Variants in FAT3 observed in about 807,000 individuals in gnomAD.
FAT3 encodes the protein FAT atypical cadherin 3, also known as protocadherin Fat 3.
FAT3 carries 95 observed loss-of-function variants against 310.2 expected under a neutral mutation model. That is an observed-to-expected ratio of 0.31 (90% CI 0.26 to 0.36). FAT3 has a LOEUF of 0.36. Ranked by LOEUF, FAT3 falls within the 10% of genes least tolerant of loss-of-function variation. The pLI, the probability that FAT3 is intolerant of heterozygous loss-of-function variation, is 1.00. For synonymous variants in FAT3, 2,314 were observed against 2,192.9 expected (o/e 1.06, Z -1.54); for missense variants, 5,408 against 5,715.6 (o/e 0.95, Z 1.74).
chr11:92,471,761 C>T (rs979378538), intron 2 of FAT3, among the ~76,000 whole-genome samples: 12 of 151,818 alleles, frequency 7.9e-5, no homozygotes, highest in Non-Finnish European at 1.5e-4. Flanking sequence ...ACTTAAAAGT[C>T]CATCTCTGAA....
At chr11:92,263,650 T>TAG (rs149529605) in intron 1 of FAT3, among the ~76,000 whole-genome samples, 5,539 of 148,944 alleles carry the variant, frequency 0.037, 190 homozygotes, top group African/African-American at 0.088. Context: ...TATATATATA[T>TAG]ATATAGAGAG....
At position 92,844,543 on chromosome 11, in the gene FAT3, A is replaced by C. The variant is rs1260663798; in HGVS notation, c.11176A>C (p.Arg3726=). 5 of 1,613,902 alleles carry C rather than the reference A, an allele frequency of 3.1e-6. No individual in the cohort carries two copies. The highest frequency in any genetic ancestry group is 4.2e-6 in the Non-Finnish European group (5 of 1,179,898). ...AYLIQKLSNA[R]RHLENIMRIS... ...CCTGATCCAGAAGCTGTCCAATGCT[A>C]GAAGACACCTGGAGAATATCATGCG... Residue 3726 remains arginine (R), a synonymous_variant, in exon 19 of 28, where the codon AGA becomes CGA. Coordinates refer to ENST00000525166, the MANE Select transcript of FAT3 (RefSeq NM_001367949.2).
At chr11:92,358,143 C>G (rs1052975261) in intron 2 of FAT3, among the ~76,000 whole-genome samples, 13 of 151,964 alleles carry the variant, frequency 8.6e-5, no homozygotes, top group Non-Finnish European at 1.5e-4. Context: ...CACCACTGCA[C>G]TCTAGCCTGG....
intron 21 of FAT3, among the ~76,000 whole-genome samples, chr11:92,860,902 C>T (rs1949102837): frequency 6.6e-6 from 1 of 152,128 alleles, no homozygotes; most frequent in Non-Finnish European, 1.5e-5. Flanking sequence ...TAAGCAGTCT[C>T]CCACTCTCCT....
intron 3 of FAT3, among the ~76,000 whole-genome samples, chr11:92,548,518 A>G (rs1954692775): frequency 6.6e-6 from 1 of 152,240 alleles, no homozygotes; most frequent in Admixed American, 6.5e-5. Flanking sequence ...GATGTTGCTT[A>G]AACCTCAAAA....
chr11:92,456,817 G>A (rs1185540898), intron 2 of FAT3, among the ~76,000 whole-genome samples: 1 of 152,070 alleles, frequency 6.6e-6, no homozygotes, highest in Non-Finnish European at 1.5e-5. Context: ...CAAGCAGTCT[G>A]TACCGTGGCA....
chr11:92,452,712 A>G (rs1293352565), intron 2 of FAT3, among the ~76,000 whole-genome samples: 3 of 152,136 alleles, frequency 2.0e-5, no homozygotes, highest in Non-Finnish European at 4.4e-5. Flanking sequence ...GAGAGTGATT[A>G]AGTGTATCAT....
chr11:92,701,970 T>C (rs1833099908), intron 4 of FAT3, among the ~76,000 whole-genome samples: 2 of 152,198 alleles, frequency 1.3e-5, no homozygotes, highest in Non-Finnish European at 2.9e-5. Flanking sequence ...ATCAAGACAG[T>C]GAATTAAGGT....
chr11:92,624,226 G>C (rs1941221268), intron 3 of FAT3, among the ~76,000 whole-genome samples: 1 of 152,180 alleles, frequency 6.6e-6, no homozygotes, highest in African/African-American at 2.4e-5. Context: ...ACCTGCCTGT[G>C]GTTGTGTAGT....
chr11:92,356,071 A>T (rs1036151295), intron 2 of FAT3, among the ~76,000 whole-genome samples: 4 of 152,216 alleles, frequency 2.6e-5, no homozygotes, highest in African/African-American at 9.7e-5. Flanking sequence ...ATATGGGGCA[A>T]CATTGTTCCA....
At chr11:92,545,840 C>A (rs74479498) in intron 3 of FAT3, among the ~76,000 whole-genome samples, 25 of 152,186 alleles carry the variant, frequency 1.6e-4, no homozygotes, top group Non-Finnish European at 2.8e-4. Context: ...TACAGCAAAG[C>A]CCTTTCAGAG....
At chr11:92,397,344 TTTAA>T (rs375745913) in intron 2 of FAT3, among the ~76,000 whole-genome samples, 9 of 152,100 alleles carry the variant, frequency 5.9e-5, no homozygotes, top group African/African-American at 2.2e-4. Flanking sequence ...AGGGAATTAG[TTTAA>T]TTGTGTCAGA....
intron 2 of FAT3, among the ~76,000 whole-genome samples, chr11:92,434,594 G>A (rs59419206): frequency 7.2e-5 from 11 of 152,124 alleles, no homozygotes; most frequent in East Asian, 5.8e-4. Context: ...TGCTGGTTCA[G>A]TGTTGGTTCT....
chr11:92,241,489 T>A (rs569257810), intron 1 of FAT3, among the ~76,000 whole-genome samples: 4 of 152,252 alleles, frequency 2.6e-5, no homozygotes, highest in Non-Finnish European at 4.4e-5. Context: ...TACCTGCATC[T>A]GTGATGAGTT....
At chr11:92,642,312 G>A (rs557082652) in intron 3 of FAT3, among the ~76,000 whole-genome samples, 1 of 152,210 alleles carries the variant, frequency 6.6e-6, no homozygotes, top group Non-Finnish European at 1.5e-5. Context: ...AACATGGCCA[G>A]TTCACTGCTT....
At chr11:92,447,492 A>G (rs1389522117) in intron 2 of FAT3, among the ~76,000 whole-genome samples, 1 of 152,124 alleles carries the variant, frequency 6.6e-6, no homozygotes, top group Admixed American at 6.5e-5. Context: ...AGTAAGAGCT[A>G]AGCAATATTA....
chr11:92,490,757 T>C (rs988932258), intron 2 of FAT3, among the ~76,000 whole-genome samples: 9 of 152,130 alleles, frequency 5.9e-5, no homozygotes, highest in African/African-American at 2.2e-4. Context: ...AAAGCATTCA[T>C]AGAATTCATA....
intron 2 of FAT3, among the ~76,000 whole-genome samples, chr11:92,505,572 C>T (rs1194714848): frequency 4.6e-5 from 7 of 152,102 alleles, no homozygotes; most frequent in Non-Finnish European, 8.8e-5. Context: ...CTGTGCCAAC[C>T]AGTGGGGAGC....
At chr11:92,777,022 G>A (rs1946615286) in intron 7 of FAT3, among the ~76,000 whole-genome samples, 1 of 152,136 alleles carries the variant, frequency 6.6e-6, no homozygotes, top group Non-Finnish European at 1.5e-5. Context: ...TTTACAAAAG[G>A]ACATTTTGGG....
Sources: gnomAD v4.1 joint callset for allele counts (sites outside exome capture counted in the v4.1 genomes callset) on GRCh38, gnomAD v4.1.1 for gene constraint, MANE v1.5 for transcripts, NCBI Gene and HGNC (gene_info 2026-07-23, HGNC 2026-07-21) for gene names.